FAM135A: variants seen among roughly 807,000 people sequenced by gnomAD.
The protein encoded by FAM135A is protein FAM135A.
A neutral mutation model predicts 146.8 loss-of-function variants in FAM135A; 79 were observed. The ratio of observed to expected loss-of-function variants is 0.54; its 90% CI spans 0.45 to 0.65. The LOEUF (loss-of-function observed/expected upper bound fraction) is 0.65. Ranked by LOEUF, FAM135A falls within the 30% of genes least tolerant of loss-of-function variation. FAM135A has a pLI of 0.00. For missense variants in FAM135A, 1,623 were observed against 1,758.2 expected (o/e 0.92, Z 1.38); for synonymous variants, 562 against 603.6 (o/e 0.93, Z 1.01).
intron 5 of FAM135A, among the ~76,000 whole-genome samples, chr6:70,471,605 AC>A (rs1781626442): frequency 6.6e-6 from 1 of 151,768 alleles, no homozygotes; most frequent in Non-Finnish European, 1.5e-5. Flanking sequence ...CAGGAAGAAT[AC>A]CTAGTGGATG....
intron 2 of FAM135A, 139 bp downstream of exon 2, chr6:70,415,515 C>G (rs536976396): frequency 6.6e-6 from 1 of 152,136 alleles, no homozygotes; most frequent in Non-Finnish European, 1.5e-5. Flanking sequence ...TTGAGAAGAA[C>G]TAGCAATTGT....
At chr6:70,458,636 G>A (rs779734293) in intron 5 of FAM135A, among the ~76,000 whole-genome samples, 2 of 152,198 alleles carry the variant, frequency 1.3e-5, no homozygotes, top group Middle Eastern at 3.4e-3. Context: ...TTTCATGCCA[G>A]TTTACCCCAG....
At chr6:70,540,559 T>A (rs1435831628) in intron 20 of FAM135A, among the ~76,000 whole-genome samples, 1 of 152,026 alleles carries the variant, frequency 6.6e-6, no homozygotes, top group Non-Finnish European at 1.5e-5. Context: ...TCTCCTGACC[T>A]TGTGATCCGC....
chr6:70,420,913 T>TA (rs1768679798), intron 2 of FAM135A, among the ~76,000 whole-genome samples: 2 of 151,958 alleles, frequency 1.3e-5, no homozygotes, highest in African/African-American at 2.4e-5. Flanking sequence ...GACAGAGTCT[T>TA]ACTGTGTCGC....
intron 4 of FAM135A, among the ~76,000 whole-genome samples, chr6:70,436,452 T>C (rs1215503032): frequency 6.6e-6 from 1 of 152,208 alleles, no homozygotes; most frequent in Non-Finnish European, 1.5e-5. Context: ...TCTTTCATTG[T>C]TAATGTTAGC....
intron 4 of FAM135A, among the ~76,000 whole-genome samples, chr6:70,431,392 T>C (rs1461000148): frequency 6.6e-6 from 1 of 152,190 alleles, no homozygotes; most frequent in African/African-American, 2.4e-5. Flanking sequence ...CAGAGTGGCC[T>C]CAGCTGGGCA....
chr6:70,555,501 C>T (rs926641658), intron 20 of FAM135A, among the ~76,000 whole-genome samples: 2 of 152,122 alleles, frequency 1.3e-5, no homozygotes, highest in East Asian at 1.9e-4. Context: ...AATTTTCCCC[C>T]CTCGACCTCC....
chr6:70,486,287 A>G (rs1391571409), intron 10 of FAM135A: 2 of 1,571,022 alleles, frequency 1.3e-6, no homozygotes. Flanking sequence ...CTTTTAATTA[A>G]AAAGTATGAA....
At chr6:70,519,499 A>G (rs1015146502) in intron 12 of FAM135A, among the ~76,000 whole-genome samples, 3 of 152,166 alleles carry the variant, frequency 2.0e-5, no homozygotes, top group South Asian at 4.1e-4. Context: ...ATCACATGCT[A>G]AGGAGAAATC....
intron 4 of FAM135A, among the ~76,000 whole-genome samples, chr6:70,451,048 C>T (rs188055146): frequency 6.6e-6 from 1 of 152,056 alleles, no homozygotes; most frequent in African/African-American, 2.4e-5. Flanking sequence ...TGGCCACTTT[C>T]CTCTTTTTGC....
rs1262821144 is a variant in FAM135A at position 70,540,363 on chromosome 6, C to T, written c.4228+1962C>T. On this transcript the variant is annotated intron_variant, in intron 20 of 21. Transcript: ENST00000418814. ...TTTTTGAGACGGAGTCTCGCTCTGC[C>T]GCCCAGGCTGGAGTGCAGTGGCACG... 4.8e-5 allele frequency among the ~76,000 whole-genome samples: 7 copies of T among 144,454 alleles called. No homozygotes were observed. The East Asian group carries it at 1.4e-3, about 29-fold the overall frequency. 94.8% of individuals were successfully genotyped at this position (144,454 alleles called of 152,430 possible).
chr6:70,532,559 T>A (rs1389059262), intron 16 of FAM135A, among the ~76,000 whole-genome samples: 1 of 152,036 alleles, frequency 6.6e-6, no homozygotes, highest in East Asian at 1.9e-4. Flanking sequence ...TAGCCGGGAG[T>A]CACCAAAGTG....
intron 12 of FAM135A, among the ~76,000 whole-genome samples, chr6:70,508,817 C>A (rs1790366138): frequency 6.6e-6 from 1 of 152,108 alleles, no homozygotes; most frequent in Non-Finnish European, 1.5e-5. Flanking sequence ...AATGATATTT[C>A]AATATAAGTA....
At chr6:70,438,918 A>G (rs1275307106) in intron 4 of FAM135A, among the ~76,000 whole-genome samples, 1 of 152,166 alleles carries the variant, frequency 6.6e-6, no homozygotes. Flanking sequence ...GTACTTTGGG[A>G]AGCTGAGGTG....
Position 70,486,212 on chromosome 6 carries a change from A to G in FAM135A, c.823+4058A>G, listed in dbSNP as rs769475515. 3.1e-6 allele frequency: 5 copies of G among 1,613,896 alleles called. No homozygotes were observed. In the Admixed American group the frequency reaches 6.7e-5, roughly 22 times the overall value. ...CTATATGAGCGTCTTCTCAGAAGAA[A>G]ACAGCTACGAACACAGAAAGACAAC... On this transcript the variant is annotated intron_variant, in intron 10 of 21. Coordinates refer to ENST00000418814, the MANE Select transcript of FAM135A (RefSeq NM_001162529.3).
intron 5 of FAM135A, among the ~76,000 whole-genome samples, chr6:70,467,416 T>G (rs775953987): frequency 6.6e-6 from 1 of 152,110 alleles, no homozygotes; most frequent in Non-Finnish European, 1.5e-5. Context: ...TGATGGCACA[T>G]AATGCTGTAC....
chr6:70,489,856 T>C (rs1003964023), intron 10 of FAM135A, among the ~76,000 whole-genome samples: 1 of 152,146 alleles, frequency 6.6e-6, no homozygotes, highest in Non-Finnish European at 1.5e-5. Flanking sequence ...GGGTGAGTTA[T>C]TGGAGGAGTG....
chr6:70,479,214 A>G (rs1284002045), intron 8 of FAM135A, among the ~76,000 whole-genome samples: 2 of 152,200 alleles, frequency 1.3e-5, no homozygotes, highest in Non-Finnish European at 2.9e-5. Flanking sequence ...TTAAGGCCCT[A>G]ATTAAACAGA....
At chr6:70,434,406 A>G (rs1242601123) in intron 4 of FAM135A, among the ~76,000 whole-genome samples, 1 of 152,228 alleles carries the variant, frequency 6.6e-6, no homozygotes, top group Non-Finnish European at 1.5e-5. Flanking sequence ...TGCTATTCTC[A>G]GTAGCTTGTC....
Sources: gnomAD v4.1 joint callset for allele counts (sites outside exome capture counted in the v4.1 genomes callset) on GRCh38, gnomAD v4.1.1 for gene constraint, MANE v1.5 for transcripts, NCBI Gene and HGNC (gene_info 2026-07-23, HGNC 2026-07-21) for gene names.